The following CNTNAP2 variants were observed in gnomAD, a reference collection of about 807,000 sequenced individuals.
The protein encoded by CNTNAP2 is contactin-associated protein-like 2.
CNTNAP2 carries 98 observed loss-of-function variants against 155.2 expected under a neutral mutation model. The observed-to-expected ratio is 0.63, with a 90% CI of 0.54 to 0.75. The LOEUF is 0.75. Among genes scored for constraint, CNTNAP2 ranks in the 30% least tolerant of loss-of-function variants. The pLI, the probability that CNTNAP2 is intolerant of heterozygous loss-of-function variation, is 0.00. For missense variants in CNTNAP2, 1,727 were observed against 1,688.1 expected, an observed-to-expected ratio of 1.02 and a Z score of -0.40; for synonymous variants, 651 against 631.2, an observed-to-expected ratio of 1.03 and a Z score of -0.47.
At chr7:148,369,716 C>T (rs1466252632) in intron 21 of CNTNAP2, among the ~76,000 whole-genome samples, 6 of 150,776 alleles carry the variant, frequency 4.0e-5, no homozygotes, top group African/African-American at 1.5e-4. Context: ...AAAACATTCA[C>T]GTCTCAGAAA....
chr7:147,977,885 C>T lies in CNTNAP2; in HGVS notation c.2279C>T (p.Ser760Leu), dbSNP rs1585058146. The T allele has an allele frequency of 6.2e-7, 1 of 1,614,092 alleles. No homozygotes were observed. The highest frequency in any genetic ancestry group is 8.5e-7 in the Non-Finnish European group (1 of 1,180,012). ...AGGAGGAAGGATGCTGGTTTCTTATCATACAAAGATCACCTGCCAGTGAGC... is the reference window on the plus strand; with the variant it reads ...AGGAGGAAGGATGCTGGTTTCTTATTATACAAAGATCACCTGCCAGTGAGC... Reference protein sequence around the residue: ...KQWRKDAGFLSYKDHLPVSQV... With the variant: ...KQWRKDAGFLLYKDHLPVSQV... The change falls in exon 15 of 24, where the codon TCA becomes TTA. Residue 760 changes from serine (S) to leucine (L), a missense_variant. Coordinates refer to ENST00000361727, the MANE Select transcript of CNTNAP2 (RefSeq NM_014141.6).
At chr7:147,121,459 C>T (rs1224519090) in intron 6 of CNTNAP2, 20 of 316,034 alleles carry the variant, frequency 6.3e-5, no homozygotes, top group Middle Eastern at 1.1e-3. Context: ...GTAATCCTTT[C>T]ATTGGTAGTT....
Position 147,990,067 on chromosome 7 carries a change from G to T in CNTNAP2, c.2383+12078G>T, listed in dbSNP as rs1332393866. Among the ~76,000 whole-genome samples, 9 of 150,694 alleles carry T rather than the reference G, an allele frequency of 6.0e-5. No individual in the cohort carries two copies. In the East Asian group the frequency reaches 1.8e-3, roughly 29 times the overall value. On this transcript the variant is annotated intron_variant, in intron 15 of 23. Transcript: ENST00000361727. ...ACCAACTGACTACAAATTTGGGGTTGCTACTATTCTTTCAGGGTCAATAAT... is the reference window on the plus strand; with the variant it reads ...ACCAACTGACTACAAATTTGGGGTTTCTACTATTCTTTCAGGGTCAATAAT...
At chr7:148,148,437 T>C (rs536912278) in intron 17 of CNTNAP2, among the ~76,000 whole-genome samples, 14 of 152,344 alleles carry the variant, frequency 9.2e-5, no homozygotes, top group African/African-American at 2.9e-4. Flanking sequence ...GTTAGGAAAT[T>C]AGCAACTTTT....
chr7:147,554,700 G>T lies in CNTNAP2; in HGVS notation c.1778-7438G>T, dbSNP rs929508804. 2.0e-5 allele frequency among the ~76,000 whole-genome samples: 3 copies of T among 152,086 alleles called. No homozygotes were observed. In the East Asian group the frequency reaches 5.8e-4, roughly 29 times the overall value. ...ATCTCATACAGAAATTATATGCAGG[G>T]AAAGATCATGACACAATATTAGCAT... On this transcript the variant is annotated intron_variant, in intron 11 of 23. Coordinates refer to ENST00000361727, the MANE Select transcript of CNTNAP2 (RefSeq NM_014141.6).
At chr7:147,885,213 A>G (rs17236239) in intron 13 of CNTNAP2, among the ~76,000 whole-genome samples, 40,369 of 152,120 alleles carry the variant, frequency 0.27, 6,247 homozygotes, top group Middle Eastern at 0.4. Flanking sequence ...AAATAGTAGA[A>G]AAGAAGAGGC....
chr7:148,070,243 A>G (rs1803355595), intron 15 of CNTNAP2, among the ~76,000 whole-genome samples: 1 of 152,230 alleles, frequency 6.6e-6, no homozygotes, highest in Non-Finnish European at 1.5e-5. Flanking sequence ...AAAACTGACA[A>G]TTTGTTTAAA....
intron 12 of CNTNAP2, among the ~76,000 whole-genome samples, chr7:147,588,278 G>A (rs1436784004): frequency 1.3e-5 from 2 of 152,034 alleles, no homozygotes; most frequent in Non-Finnish European, 2.9e-5. Flanking sequence ...TTTGTGAGAA[G>A]GGAAAAGATG....
At chr7:146,462,227 A>T (rs12112433) in intron 1 of CNTNAP2, among the ~76,000 whole-genome samples, 4,166 of 152,244 alleles carry the variant, frequency 0.027, 140 homozygotes, top group African/African-American at 0.074. Flanking sequence ...ATCTCTACTT[A>T]AACCAAAGCA....
chr7:147,718,944 A>G (rs1796522191), intron 13 of CNTNAP2, among the ~76,000 whole-genome samples: 1 of 152,158 alleles, frequency 6.6e-6, no homozygotes, highest in Non-Finnish European at 1.5e-5. Flanking sequence ...CTTTTTAATA[A>G]CTGTCCTTTA....
chr7:147,781,648 G>T (rs749417063), intron 13 of CNTNAP2, among the ~76,000 whole-genome samples: 8 of 152,132 alleles, frequency 5.3e-5, no homozygotes, highest in Non-Finnish European at 8.8e-5. Context: ...TTACAATCAG[G>T]TTAGAACTTA....
intron 9 of CNTNAP2, among the ~76,000 whole-genome samples, chr7:147,331,362 G>A (rs1424529313): frequency 1.3e-5 from 2 of 152,082 alleles, no homozygotes; most frequent in Non-Finnish European, 2.9e-5. Flanking sequence ...TGGAAGTAAA[G>A]ATAAATTCTA....
intron 14 of CNTNAP2, among the ~76,000 whole-genome samples, chr7:147,946,692 T>A (rs1800825127): frequency 6.6e-6 from 1 of 152,044 alleles, no homozygotes; most frequent in East Asian, 1.9e-4. Flanking sequence ...AAGGAATAGC[T>A]GTGAGACCAG....
chr7:147,152,124 T>C lies in CNTNAP2; in HGVS notation c.1348+19615T>C, dbSNP rs115397192. ...ATAGCCAATACCCAGCCTAAGCAGT[T>C]TATAGCAAAGACAATGACTCATGTA... On this transcript the variant is annotated intron_variant, in intron 8 of 23. Coordinates refer to ENST00000361727, the MANE Select transcript of CNTNAP2 (RefSeq NM_014141.6). Among the ~76,000 whole-genome samples the C allele has an allele frequency of 3.6e-3, 542 of 152,236 alleles. 4 individuals are homozygous for C. The highest frequency in any genetic ancestry group is 0.013 in the African/African-American group (524 of 41,542).
chr7:147,747,315 T>C (rs985881113), intron 13 of CNTNAP2, among the ~76,000 whole-genome samples: 2 of 152,194 alleles, frequency 1.3e-5, no homozygotes, highest in African/African-American at 4.8e-5. Context: ...CTGGCATCTC[T>C]TCATCTTTCT....
At chr7:148,407,904 A>G (rs2116711842) in intron 22 of CNTNAP2, among the ~76,000 whole-genome samples, 1 of 152,262 alleles carries the variant, frequency 6.6e-6, no homozygotes, top group East Asian at 1.9e-4. Context: ...TTTGGAATAT[A>G]TATACGTATC....
chr7:146,935,085 T>G (rs565171516), intron 3 of CNTNAP2, among the ~76,000 whole-genome samples: 1 of 152,354 alleles, frequency 6.6e-6, no homozygotes, highest in African/African-American at 2.4e-5. Flanking sequence ...CTCCACATTC[T>G]TGGAACTGTG....
chr7:146,775,387 A>G (rs1048825178), intron 2 of CNTNAP2, among the ~76,000 whole-genome samples: 1 of 152,292 alleles, frequency 6.6e-6, no homozygotes, highest in East Asian at 1.9e-4. Flanking sequence ...TTCACAATAC[A>G]TATGTCAAAA....
intron 3 of CNTNAP2, among the ~76,000 whole-genome samples, chr7:146,858,576 T>C (rs1795037404): frequency 6.6e-6 from 1 of 152,090 alleles, no homozygotes; most frequent in Non-Finnish European, 1.5e-5. Flanking sequence ...TGCCTGTAGT[T>C]CCAGCTCCTC....
Sources: gnomAD v4.1 joint callset for allele counts (sites outside exome capture counted in the v4.1 genomes callset) on GRCh38, gnomAD v4.1.1 for gene constraint, MANE v1.5 for transcripts, NCBI Gene and HGNC (gene_info 2026-07-23, HGNC 2026-07-21) for gene names.